The following SCAMP4 variants were observed in gnomAD, a reference collection of about 807,000 sequenced individuals.
SCAMP4 encodes the protein secretory carrier membrane protein 4.
Under a neutral mutation model 32.1 loss-of-function variants are expected in SCAMP4, and 19 were observed. That is an observed-to-expected ratio of 0.59 (90% CI 0.41 to 0.87). The LOEUF (loss-of-function observed/expected upper bound fraction) is 0.87. Ranked by LOEUF, SCAMP4 falls within the 40% of genes least tolerant of loss-of-function variation. The pLI is 0.00. For missense variants in SCAMP4, 302 were observed against 309.0 expected (o/e 0.98, Z 0.17); for synonymous variants, 152 against 132.7 (o/e 1.15, Z -1.00).
chr19:1,923,243 A>G (rs775714519), intron 6 of SCAMP4, 56 bp downstream of exon 6: 93 of 1,446,888 alleles, frequency 6.4e-5, no homozygotes, highest in Non-Finnish European at 8.5e-5. Flanking sequence ...GAACCTCGTC[A>G]CCCAACTGTC....
chr19:1,915,766 G>A (rs959514141), intron 2 of SCAMP4, among the ~76,000 whole-genome samples: 4 of 152,114 alleles, frequency 2.6e-5, no homozygotes, highest in African/African-American at 7.2e-5. Context: ...CTAACACGGT[G>A]AAACCCCGTC....
Position 1,908,949 on chromosome 19 carries a change from A to G in SCAMP4, c.-42+3510A>G, listed in dbSNP as rs780302046. 6.6e-5 allele frequency among the ~76,000 whole-genome samples: 10 copies of G among 152,088 alleles called. No homozygotes were observed. Among genetic ancestry groups the G allele is most frequent in the Non-Finnish European group, 1.2e-4 (8 of 68,024 alleles). On this transcript the variant is annotated intron_variant, in intron 1 of 6. Transcript: ENST00000316097. This position sits in a 1 kb window ranked among gnomAD's most constrained non-coding sequence, Gnocchi z 4.2. ...GTGGAACCCCGTCTCTACTGAAAAT[A>G]CAAAAATTAGCCGGGCGTGGTGGCA...
intron 6 of SCAMP4, among the ~76,000 whole-genome samples, chr19:1,923,764 G>A (rs989748604): frequency 5.4e-5 from 8 of 147,260 alleles, no homozygotes; most frequent in East Asian, 2.3e-4. Context: ...GACTACAGGC[G>A]CCCGCTACCG....
Position 1,908,531 on chromosome 19 carries a change from G to C in SCAMP4, c.-42+3092G>C, listed in dbSNP as rs1373234051. ...CAGCGGGGATGTGTAGTCCAGGCTG[G>C]CAGTTCAGGATCACCCGGCTGGAGT... On this transcript the variant is annotated intron_variant, in intron 1 of 6. Coordinates refer to ENST00000316097, the MANE Select transcript of SCAMP4 (RefSeq NM_079834.4). The surrounding 1 kb of genome is among the most constrained non-coding windows in gnomAD (Gnocchi z 4.2). The C allele has an allele frequency of 4.2e-6, 2 of 471,040 alleles. No homozygotes were observed. The highest frequency in any genetic ancestry group is 8.8e-6 in the Non-Finnish European group (2 of 227,046). 29.2% of individuals were successfully genotyped at this position (471,040 alleles called of 1,614,324 possible).
chr19:1,917,857 GAGGC>G (rs2013784057), intron 3 of SCAMP4, 35 bp downstream of exon 3: 1 of 1,611,682 alleles, frequency 6.2e-7, no homozygotes, highest in Admixed American at 1.7e-5. Context: ...CGGGAAGCGG[GAGGC>G]AGGGCTCCCC....
intron 2 of SCAMP4, 22 bp from the exon 3 acceptor site, chr19:1,917,672 C>G (rs200701086): frequency 3.7e-6 from 6 of 1,613,476 alleles, no homozygotes; most frequent in Non-Finnish European, 5.1e-6. Flanking sequence ...TGGTTCTGTC[C>G]GTGGGTTCTC....
Position 1,924,777 on chromosome 19 carries a change from G to A in SCAMP4, c.*493G>A. 1 of 190,596 alleles carries A rather than the reference G, an allele frequency of 5.2e-6. No homozygotes were observed. 11.8% of individuals were successfully genotyped at this position (190,596 alleles called of 1,614,324 possible). A position where few individuals can be genotyped will look rare whatever the true frequency, so the allele number is the denominator to read the frequency against. Reference sequence around the variant, plus strand: ...TAAGAGGCGTCGGGGCCAGCTTCCGGTCCCCTGCAGTGATAGAGGGCTTGG... The same window carrying A: ...TAAGAGGCGTCGGGGCCAGCTTCCGATCCCCTGCAGTGATAGAGGGCTTGG... On this transcript the variant is annotated 3_prime_UTR_variant, in exon 7 of 7. Coordinates refer to ENST00000316097, the MANE Select transcript of SCAMP4 (RefSeq NM_079834.4).
intron 1 of SCAMP4, among the ~76,000 whole-genome samples, chr19:1,907,497 C>T (rs1393737674): frequency 3.3e-5 from 5 of 151,970 alleles, no homozygotes; most frequent in African/African-American, 4.8e-5. Context: ...AGGAATTGAC[C>T]GCGCTGGGCT....
intron 1 of SCAMP4, chr19:1,913,175 C>T: frequency 1.3e-6 from 2 of 1,489,508 alleles, no homozygotes; most frequent in Non-Finnish European, 1.8e-6. Flanking sequence ...GCCTCCGGAC[C>T]CTTCCCGCTC....
In SCAMP4 at chr19:1,923,178, G is replaced by T. The variant is rs370341558; in HGVS notation, c.504G>T (p.Ala168=). The T allele has an allele frequency of 3.2e-6, 5 of 1,549,340 alleles. No homozygotes were observed. In the Admixed American group the frequency reaches 5.9e-5, roughly 18 times the overall value. Reference sequence around the variant, plus strand: ...TGTCGGCTGCCATGATGGCCATCGCGATCATGAAGGTGAGTCCTCGGCTTT... The same window carrying T: ...TGTCGGCTGCCATGATGGCCATCGCTATCATGAAGGTGAGTCCTCGGCTTT... ...FSVSAAMMAI[A]IMKVHRIYRG... The change falls in exon 6 of 7, where the codon GCG becomes GCT. Residue 168 remains alanine (A), a synonymous_variant. Coordinates refer to ENST00000316097, the MANE Select transcript of SCAMP4 (RefSeq NM_079834.4).
At chr19:1,915,333 G>A in intron 2 of SCAMP4, 1 of 483,498 alleles carries the variant, frequency 2.1e-6, no homozygotes, top group Non-Finnish European at 3.8e-6. Context: ...GTGCCCCGGG[G>A]TCCCTCACCC....
intron 1 of SCAMP4, chr19:1,906,659 G>C (rs2013131059): frequency 6.7e-6 from 1 of 148,288 alleles, no homozygotes; most frequent in African/African-American, 2.5e-5. Context: ...GACCATCCTG[G>C]CTAACACGGT....
In SCAMP4 at chr19:1,912,402, C is replaced by A. The variant is rs1156539885; in HGVS notation, c.-41-2577C>A. The A allele has an allele frequency of 2.6e-6, 4 of 1,516,060 alleles. No individual in the cohort carries two copies. In the Admixed American group the frequency reaches 6.1e-5, roughly 23 times the overall value. 93.9% of individuals were successfully genotyped at this position (1,516,060 alleles called of 1,614,324 possible). A position where few individuals can be genotyped will look rare whatever the true frequency, so the allele number is the denominator to read the frequency against. ...TTGCCTGGCTGGGCCGGCCTCGGGCCCGCGCTCGCTGGCTGAGCTCCTGCC... is the reference window on the plus strand; with the variant it reads ...TTGCCTGGCTGGGCCGGCCTCGGGCACGCGCTCGCTGGCTGAGCTCCTGCC... On this transcript the variant is annotated intron_variant, in intron 1 of 6. Coordinates refer to ENST00000316097, the MANE Select transcript of SCAMP4 (RefSeq NM_079834.4).
intron 1 of SCAMP4, 121 bp from the exon 2 acceptor site, chr19:1,914,858 G>A: frequency 3.8e-6 from 3 of 791,308 alleles, no homozygotes; most frequent in Non-Finnish European, 6.5e-6. Context: ...CTCCCGCTTA[G>A]CCCACTGCTG....
chr19:1,913,213 TC>T (rs2013594381), intron 1 of SCAMP4: 6 of 1,456,916 alleles, frequency 4.1e-6, no homozygotes, highest in African/African-American at 1.4e-5. Context: ...CTCCTGGACT[TC>T]CGGGCCTCGA....
intron 1 of SCAMP4, chr19:1,912,746 G>C (rs1170812029): frequency 6.5e-7 from 1 of 1,545,774 alleles, no homozygotes. Context: ...GCAGCTGCGC[G>C]GACAACCCCC....
At position 1,908,684 on chromosome 19, in the gene SCAMP4, G is replaced by A; in HGVS notation, c.-42+3245G>A. 2.3e-6 allele frequency: 1 copy of A among 428,568 alleles called. No homozygotes were observed. Among genetic ancestry groups the A allele is most frequent in the Non-Finnish European group, 4.7e-6 (1 of 213,172 alleles). 26.5% of individuals were successfully genotyped at this position (428,568 alleles called of 1,614,324 possible). ...TTATTATTTATTTATTTGAAAAAAG[G>A]AACAGGGTCTCTCTATCTTGCCCAC... On this transcript the variant is annotated intron_variant, in intron 1 of 6. Transcript: ENST00000316097. This position sits in a 1 kb window ranked among gnomAD's most constrained non-coding sequence, Gnocchi z 4.2.
In SCAMP4 at chr19:1,912,876, C is replaced by G. The variant is rs766374171; in HGVS notation, c.-41-2103C>G. Reference sequence around the variant, plus strand: ...CCCGGCCGCTGCCCCCCAGGCCGTCCGCGCAGGCGCCGTGCGTAAACTGGA... The same window carrying G: ...CCCGGCCGCTGCCCCCCAGGCCGTCGGCGCAGGCGCCGTGCGTAAACTGGA... On this transcript the variant is annotated intron_variant, in intron 1 of 6. Transcript: ENST00000316097. 1.7e-5 allele frequency: 28 copies of G among 1,602,810 alleles called. 1 individual carries two copies. Among genetic ancestry groups the G allele is most frequent in the Middle Eastern group, 1.6e-4 (1 of 6,074 alleles).
intron 1 of SCAMP4, chr19:1,912,855 G>A (rs770451120): frequency 1.3e-6 from 2 of 1,597,630 alleles, no homozygotes; most frequent in Non-Finnish European, 1.7e-6. Context: ...CTTCGCCCCG[G>A]CCGCTGCCCC....
Sources: allele counts gnomAD v4.1 joint callset (sites outside exome capture counted in the v4.1 genomes callset), GRCh38; gene constraint gnomAD v4.1.1; non-coding constraint Gnocchi (gnomAD v3.1); transcripts MANE v1.5; gene names NCBI Gene and HGNC (gene_info 2026-07-23, HGNC 2026-07-21).